Variants in CLEC4F observed in about 807,000 individuals in gnomAD.
The protein encoded by CLEC4F is C-type (calcium dependent, carbohydrate-recognition domain) lectin, superfamily member 13.
In CLEC4F, 45 loss-of-function variants were observed where a neutral mutation model predicts 53.4. That is an observed-to-expected ratio of 0.84 (90% CI 0.66 to 1.08). CLEC4F has a LOEUF of 1.08. Ranked by LOEUF, CLEC4F falls within the 50% of genes least tolerant of loss-of-function variation. The pLI is 0.00. For synonymous variants in CLEC4F, 245 were observed against 257.5 expected (o/e 0.95, Z 0.46); for missense variants, 753 against 698.2 (o/e 1.08, Z -0.88).
chr2:70,817,059 T>G lies in CLEC4F; in HGVS notation c.322A>C (p.Lys108Gln). 6.2e-7 allele frequency: 1 copy of G among 1,613,774 alleles called. No homozygotes were observed. The highest frequency in any genetic ancestry group is 2.2e-5 in the East Asian group (1 of 44,894). ...AEMRELIQTF[K>Q]GHMENSSAWV... Reference sequence around the variant, plus strand: ...GCACTGGAATTCTCCATGTGGCCTTTAAATGTCTGGATAAGCTCTCGCATT... The same window carrying G: ...GCACTGGAATTCTCCATGTGGCCTTGAAATGTCTGGATAAGCTCTCGCATT... The change falls in exon 4 of 7, where the codon AAA becomes CAA. Residue 108 changes from lysine (K) to glutamine (Q), a missense_variant. Transcript: ENST00000272367.
intron 3 of CLEC4F, among the ~76,000 whole-genome samples, chr2:70,818,591 G>A (rs1029827293): frequency 3.3e-5 from 5 of 151,890 alleles, no homozygotes; most frequent in Non-Finnish European, 5.9e-5. Flanking sequence ...GGCGCCTGTA[G>A]TCCTAGCTAC....
rs944758850 is a variant in CLEC4F, at chr2:70,816,946, G to A, written c.435C>T (p.Thr145=). The change falls in exon 4 of 7, where the codon ACC becomes ACT. Residue 145 remains threonine (T), a synonymous_variant. Coordinates refer to ENST00000272367, the MANE Select transcript of CLEC4F (RefSeq NM_173535.3). ...CTTTTACCATCTGGATGTCAGCATT[G>A]GTGTTTCCCAGATGATCACCGAGCA... ...LQVLGDHLGN[T]NADIQMVKGV... 1 of 1,614,140 alleles carries A rather than the reference G, an allele frequency of 6.2e-7. No individual in the cohort carries two copies. The highest frequency in any genetic ancestry group is 1.3e-5 in the African/African-American group (1 of 75,024).
chr2:70,808,983 A>G lies in CLEC4F; in HGVS notation c.*288T>C. On this transcript the variant is annotated 3_prime_UTR_variant, in exon 7 of 7. Transcript: ENST00000272367. ...TGCACACCCACTGATAGGGGGTGTC[A>G]CAGGTCATGTCATTCCACTTCTGCT... is the stretch of plus-strand genomic sequence containing the variant. The G allele has an allele frequency of 8.4e-7, 1 of 1,195,966 alleles. No homozygotes were observed. Among genetic ancestry groups the G allele is most frequent in the Non-Finnish European group, 1.2e-6 (1 of 843,866 alleles). 74.1% of individuals were successfully genotyped at this position (1,195,966 alleles called of 1,614,324 possible).
intron 4 of CLEC4F, among the ~76,000 whole-genome samples, chr2:70,813,519 CTTTCTTTCTTTCTTTCTTTT>C (rs1411130988): frequency 8.0e-5 from 12 of 150,070 alleles, no homozygotes; most frequent in South Asian, 4.4e-4. Flanking sequence ...TCTTTTCTTT[CTTTCTTTCTTTCTTTCTTTT>C]TTTCTTTCTT....
chr2:70,812,416 AC>A, intron 5 of CLEC4F, 30 bp downstream of exon 5: 2 of 1,610,348 alleles, frequency 1.2e-6, no homozygotes, highest in Non-Finnish European at 1.7e-6. Context: ...CACCAATTCC[AC>A]CAACAACACC....
rs1002214110 is a variant in CLEC4F, at chr2:70,809,017, A to G, written c.*254T>C. The stretch of plus-strand genomic sequence containing the variant: ...GTCATTCCACTTCTGCTGAATTTGG[A>G]CACAGTCTTCAGTCTGCCCATTCTT... On this transcript the variant is annotated 3_prime_UTR_variant, in exon 7 of 7. Transcript: ENST00000272367. 54 of 1,433,786 alleles carry G rather than the reference A, an allele frequency of 3.8e-5. No individual in the cohort carries two copies. The highest frequency in any genetic ancestry group is 4.9e-5 in the Non-Finnish European group (52 of 1,054,326). The allele number at this position is 1,433,786 out of a possible 1,614,324, so 88.8% of individuals were successfully genotyped here.
upstream of CLEC4F, among the ~76,000 whole-genome samples, chr2:70,822,038 C>A (rs560803952): frequency 6.6e-6 from 1 of 152,296 alleles, no homozygotes; most frequent in Non-Finnish European, 1.5e-5. Context: ...GGACTACAGG[C>A]ATGAGCCACC....
rs571242533 is a variant in CLEC4F at position 70,808,927 on chromosome 2, C to A, written c.*344G>T. On this transcript the variant is annotated 3_prime_UTR_variant, in exon 7 of 7. Coordinates refer to ENST00000272367, the MANE Select transcript of CLEC4F (RefSeq NM_173535.3). ...GAGCAGCCCCTCAGCTCTGGCCTGC[C>A]CTCAGGCCACACCCTGGCCCATGGG... 4.0e-5 allele frequency: 29 copies of A among 730,802 alleles called. No individual in the cohort carries two copies. In the African/African-American group the frequency reaches 4.6e-4, roughly 11 times the overall value. The allele number at this position is 730,802 out of a possible 1,614,324, so 45.3% of individuals were successfully genotyped here. A position where few individuals can be genotyped will look rare whatever the true frequency, so the allele number is the denominator to read the frequency against.
Position 70,810,618 on chromosome 2 carries a change from CAAAAAAA to C in CLEC4F, c.1540-768_1540-762del, listed in dbSNP as rs58138583. Among the ~76,000 whole-genome samples, 361 of 48,836 alleles carry C rather than the reference CAAAAAAA, an allele frequency of 7.4e-3. 1 individual carries two copies. Among genetic ancestry groups the C allele is most frequent in the African/African-American group, 0.021 (331 of 15,536 alleles). The allele number at this position is 48,836 out of a possible 152,430, so 32.0% of individuals were successfully genotyped here. ...TGGGCAATAGAGCGAAACTCTGTCGCAAAAAAAAAAAAAAAAAAAAAAAGTATTTCCC... is the reference window on the plus strand; with the variant it reads ...TGGGCAATAGAGCGAAACTCTGTCGCAAAAAAAAAAAAAAAAGTATTTCCC... On this transcript the variant is annotated intron_variant, in intron 5 of 6. Coordinates refer to ENST00000272367, the MANE Select transcript of CLEC4F (RefSeq NM_173535.3).
rs189899717 is a variant in CLEC4F, at chr2:70,809,075, A to C, written c.*196T>G. The C allele has an allele frequency of 4.7e-4, 730 of 1,544,978 alleles. 2 individuals carry two copies. The African/African-American group carries it at 9.0e-3, about 19-fold the overall frequency. On this transcript the variant is annotated 3_prime_UTR_variant, in exon 7 of 7. Transcript: ENST00000272367. ...CAGTTGTCAGACTGATTCTTTTCCC[A>C]AAACCCGAAGACAACAGGGCTTTAT...
intron 4 of CLEC4F, 98 bp from the exon 5 acceptor site, chr2:70,812,696 C>T: frequency 8.0e-7 from 1 of 1,246,018 alleles, no homozygotes; most frequent in South Asian, 1.4e-5. Context: ...CACTGAGGTT[C>T]ACAAGCCCAT....
At position 70,809,835 on chromosome 2, in the gene CLEC4F, C is replaced by CAGAG; in HGVS notation, c.1561_1562insCTCT (p.Ser521ThrfsTer3). ...GAGACCGATCCAGTAGTACACTTTA[C>CAGAG]TTGTGAACTCTACCAGAAATGCCTG... On this transcript the variant is annotated frameshift_variant, in exon 6 of 7. Coordinates refer to ENST00000272367, the MANE Select transcript of CLEC4F (RefSeq NM_173535.3). LOFTEE classifies it high-confidence loss of function. 1 of 1,612,978 alleles carries CAGAG rather than the reference C, an allele frequency of 6.2e-7. No individual in the cohort carries two copies. Among genetic ancestry groups the CAGAG allele is most frequent in the East Asian group, 2.2e-5 (1 of 44,884 alleles).
rs1677138992 is a variant in CLEC4F at position 70,819,862 on chromosome 2, C to T, written c.91G>A (p.Ala31Thr). 6.2e-7 allele frequency: 1 copy of T among 1,602,516 alleles called. No individual in the cohort carries two copies. The highest frequency in any genetic ancestry group is 8.5e-7 in the Non-Finnish European group (1 of 1,175,170). The change falls in exon 2 of 7, where the codon GCC becomes ACC. Residue 31 changes from alanine (A) to threonine (T), a missense_variant. By Grantham distance (58) the Ala-to-Thr change is moderately conservative. Coordinates refer to ENST00000272367, the MANE Select transcript of CLEC4F (RefSeq NM_173535.3). ...EVDSVAMAPA[A>T]PKIPRLVQAT... Reference sequence around the variant, plus strand: ...TGAACGAGCCTCGGTATCTTGGGGGCTGCAGGAGCCATTGCCACAGAGTCC... The same window carrying T: ...TGAACGAGCCTCGGTATCTTGGGGGTTGCAGGAGCCATTGCCACAGAGTCC...
intron 4 of CLEC4F, among the ~76,000 whole-genome samples, chr2:70,813,589 CTT>C (rs1553394913): frequency 1.3e-4 from 16 of 125,086 alleles, no homozygotes; most frequent in East Asian, 6.7e-4. Context: ...CTTTCTCTCT[CTT>C]TCTTTCTCTT....
chr2:70,811,958 G>C (rs116509652), intron 5 of CLEC4F, among the ~76,000 whole-genome samples: 1,576 of 152,260 alleles, frequency 0.01, 8 homozygotes, highest in Non-Finnish European at 0.018. Context: ...TGCATCTGTA[G>C]TCACAGCTAC....
chr2:70,815,340 A>T (rs1676835522), intron 4 of CLEC4F, among the ~76,000 whole-genome samples: 1 of 151,806 alleles, frequency 6.6e-6, no homozygotes, highest in African/African-American at 2.4e-5. Context: ...CCCCTAGAAG[A>T]TTCCTTTTCC....
chr2:70,817,172 T>G, intron 3 of CLEC4F, 60 bp from the exon 4 acceptor site: 1 of 1,520,856 alleles, frequency 6.6e-7, no homozygotes, highest in South Asian at 1.3e-5. Flanking sequence ...TAGCATTTTA[T>G]GGGCCACCCA....
At chr2:70,815,966 C>A in intron 4 of CLEC4F, 28 bp downstream of exon 4, 1 of 1,595,942 alleles carries the variant, frequency 6.3e-7, no homozygotes, top group South Asian at 1.1e-5. Flanking sequence ...TGTGCCCTCC[C>A]CAAACGCGAC....
At position 70,810,618 on chromosome 2, in the gene CLEC4F, CAAAAA is replaced by C. The variant is rs58138583; in HGVS notation, c.1540-766_1540-762del. On this transcript the variant is annotated intron_variant, in intron 5 of 6. Transcript: ENST00000272367. Reference sequence around the variant, plus strand: ...TGGGCAATAGAGCGAAACTCTGTCGCAAAAAAAAAAAAAAAAAAAAAAAGTATTTC... The same window carrying C: ...TGGGCAATAGAGCGAAACTCTGTCGCAAAAAAAAAAAAAAAAAAGTATTTC... Among the ~76,000 whole-genome samples the C allele has an allele frequency of 1.4e-3, 69 of 48,822 alleles. 1 individual carries two copies. Among genetic ancestry groups the C allele is most frequent in the African/African-American group, 3.6e-3 (56 of 15,528 alleles). 32.0% of individuals were successfully genotyped at this position (48,822 alleles called of 152,430 possible).
Sources: allele counts gnomAD v4.1 joint callset (sites outside exome capture counted in the v4.1 genomes callset), GRCh38; gene constraint gnomAD v4.1.1; transcripts MANE v1.5; gene names NCBI Gene and HGNC (gene_info 2026-07-23, HGNC 2026-07-21).